The following CNTNAP3 variants were observed in gnomAD, a reference collection of about 807,000 sequenced individuals.
CNTNAP3 encodes the protein contactin associated protein family member 3.
Under a neutral mutation model 92.1 loss-of-function variants are expected in CNTNAP3, and 36 were observed. That is an observed-to-expected ratio of 0.39 (90% confidence interval 0.30 to 0.52). The LOEUF is 0.52. Ranked by LOEUF, CNTNAP3 falls within the 20% of genes least tolerant of loss-of-function variation. The pLI, the probability that CNTNAP3 is intolerant of heterozygous loss-of-function variation, is 0.76. For synonymous variants in CNTNAP3, 232 were observed against 422.3 expected (o/e 0.55, Z 5.53); for missense variants, 534 against 1,069.6 (o/e 0.50, Z 6.98).
rs1825573161 is a variant in CNTNAP3 at position 39,068,865 on chromosome 9, T to C, written c.*5025A>G. On this transcript the variant is annotated 3_prime_UTR_variant, in exon 24 of 24. Transcript: ENST00000297668. Reference sequence around the variant, plus strand: ...TTCAGGGATTACATTCCGTGCCTCATGTCCAGTGTACTGAAAACCATAGTT... The same window carrying C: ...TTCAGGGATTACATTCCGTGCCTCACGTCCAGTGTACTGAAAACCATAGTT... 2.0e-5 allele frequency among the ~76,000 whole-genome samples: 3 copies of C among 152,312 alleles called. No homozygotes were observed. The highest frequency in any genetic ancestry group is 6.5e-5 in the Admixed American group (1 of 15,294).
chr9:39,135,567 C>T (rs1821410083), intron 12 of CNTNAP3, among the ~76,000 whole-genome samples: 1 of 152,182 alleles, frequency 6.6e-6, no homozygotes, highest in Non-Finnish European at 1.5e-5. Context: ...AATTTAACTT[C>T]ATGATTTTGA....
At chr9:39,130,495 CTTTTT>C (rs58074019) in intron 13 of CNTNAP3, among the ~76,000 whole-genome samples, 2 of 111,158 alleles carry the variant, frequency 1.8e-5, no homozygotes, top group Admixed American at 9.5e-5. Flanking sequence ...AGGAGGAATT[CTTTTT>C]TTTTTTTTTT....
chr9:39,130,209 T>C (rs1381497999), intron 13 of CNTNAP3, among the ~76,000 whole-genome samples: 3 of 152,170 alleles, frequency 2.0e-5, no homozygotes, highest in African/African-American at 7.2e-5. Flanking sequence ...AAAAGCTTTA[T>C]TCATAATTGC....
At chr9:39,111,548 T>C (rs1758546) in intron 14 of CNTNAP3, among the ~76,000 whole-genome samples, 26 of 152,176 alleles carry the variant, frequency 1.7e-4, no homozygotes, top group South Asian at 6.2e-4. Context: ...TTAGAGTGGA[T>C]TGATGGTAGA....
At position 39,109,239 on chromosome 9, in the gene CNTNAP3, A is replaced by T; in HGVS notation, c.2286T>A (p.Thr762=). ...VLSQKEHLPV[T]QIVMTDAGRP... is the part of the protein sequence containing the mutation. ...GGCCTGCGTCTGTCATCACAATCTG[A>T]GTGACTGGCAGGTGCTCCTTTTGGG... The change falls in exon 15 of 24, where the codon ACT becomes ACA. Residue 762 remains threonine (T), a synonymous_variant. Transcript: ENST00000297668. The T allele has an allele frequency of 6.2e-7, 1 of 1,612,634 alleles. No homozygotes were observed. Among genetic ancestry groups the T allele is most frequent in the Non-Finnish European group, 8.5e-7 (1 of 1,179,794 alleles).
intron 12 of CNTNAP3, among the ~76,000 whole-genome samples, chr9:39,136,232 T>A (rs894261430): frequency 1.7e-4 from 26 of 152,110 alleles, no homozygotes; most frequent in African/African-American, 6.0e-4. Flanking sequence ...GTCGCAATAT[T>A]GTAAGTAGAA....
At chr9:39,120,345 T>C (rs1182794141) in intron 13 of CNTNAP3, among the ~76,000 whole-genome samples, 3 of 152,144 alleles carry the variant, frequency 2.0e-5, no homozygotes, top group South Asian at 2.1e-4. Context: ...AAATTATATA[T>C]CCAGAGAAAC....
chr9:39,157,593 G>A (rs1746743045), intron 9 of CNTNAP3, among the ~76,000 whole-genome samples: 1 of 73,418 alleles, frequency 1.4e-5, no homozygotes, highest in South Asian at 4.9e-4. Flanking sequence ...TGATCCACCC[G>A]CCTAGGCCTC....
chr9:39,161,664 A>G (rs1344205191), intron 9 of CNTNAP3, among the ~76,000 whole-genome samples: 1 of 133,300 alleles, frequency 7.5e-6, no homozygotes, highest in Non-Finnish European at 1.6e-5. Context: ...AACAATAATA[A>G]TAATAATAAT....
chr9:39,101,833 G>C (rs1403220142), intron 17 of CNTNAP3, among the ~76,000 whole-genome samples: 1 of 152,238 alleles, frequency 6.6e-6, no homozygotes, highest in Non-Finnish European at 1.5e-5. Flanking sequence ...ATAAAATATA[G>C]CTGTCACATA....
intron 23 of CNTNAP3, among the ~76,000 whole-genome samples, chr9:39,075,919 T>A (rs1200226374): frequency 1.3e-5 from 2 of 152,422 alleles, no homozygotes; most frequent in East Asian, 3.9e-4. Flanking sequence ...GGAGAAATTA[T>A]ATTTCCTCCC....
In CNTNAP3 at chr9:39,071,003, C is replaced by A. The variant is rs1202942443; in HGVS notation, c.*2887G>T. Among the ~76,000 whole-genome samples, 1 of 152,232 alleles carries A rather than the reference C, an allele frequency of 6.6e-6. No homozygotes were observed. Among genetic ancestry groups the A allele is most frequent in the Non-Finnish European group, 1.5e-5 (1 of 68,024 alleles). Reference sequence around the variant, plus strand: ...GGATTGAAGTTAAGAGAGAGAAGTGCCAGGAGTTCAGTCCACGCATGACAA... The same window carrying A: ...GGATTGAAGTTAAGAGAGAGAAGTGACAGGAGTTCAGTCCACGCATGACAA... On this transcript the variant is annotated 3_prime_UTR_variant, in exon 24 of 24. Coordinates refer to ENST00000297668, the MANE Select transcript of CNTNAP3 (RefSeq NM_033655.5).
intron 12 of CNTNAP3, among the ~76,000 whole-genome samples, chr9:39,137,763 C>G (rs1821478422): frequency 6.6e-6 from 1 of 152,170 alleles, no homozygotes; most frequent in Admixed American, 6.5e-5. Context: ...ATCCACCTGC[C>G]TCAGCCTCCC....
At chr9:39,110,547 T>C (rs1826720910) in intron 14 of CNTNAP3, among the ~76,000 whole-genome samples, 2 of 152,256 alleles carry the variant, frequency 1.3e-5, no homozygotes. Flanking sequence ...ACCATGAGTA[T>C]TAATTATGTG....
chr9:39,161,872 T>C (rs1587739697), intron 9 of CNTNAP3, among the ~76,000 whole-genome samples: 1 of 110,954 alleles, frequency 9.0e-6, no homozygotes, highest in Non-Finnish European at 1.9e-5. Context: ...GTAAAGCCTA[T>C]AACTACAAAA....
chr9:39,147,394 A>G (rs1259794696), intron 10 of CNTNAP3, among the ~76,000 whole-genome samples: 1 of 152,308 alleles, frequency 6.6e-6, no homozygotes, highest in Admixed American at 6.5e-5. Flanking sequence ...CAGCAAAGGT[A>G]TTTAATTTTA....
chr9:39,090,145 T>C (rs1170428101), intron 18 of CNTNAP3, among the ~76,000 whole-genome samples: 1 of 152,166 alleles, frequency 6.6e-6, no homozygotes, highest in Non-Finnish European at 1.5e-5. Context: ...TTCACTGTGT[T>C]AGCCAGGATG....
In CNTNAP3 at chr9:39,133,119, C is replaced by T. The variant is rs767677440; in HGVS notation, c.1893G>A (p.Thr631=). 4 of 1,573,624 alleles carry T rather than the reference C, an allele frequency of 2.5e-6. No homozygotes were observed. The highest frequency in any genetic ancestry group is 2.7e-5 in the African/African-American group (2 of 74,546). ...YCNMTADAAW[T]VVQHGGPDAV... ...CGTCGGGGCCACCGTGCTGCACCAC[C>T]GTCCACGCGGCGTCTGCTGAGCAGA... is the stretch of plus-strand genomic sequence containing the variant. Residue 631 remains threonine, a synonymous_variant, in exon 13 of 24, where the codon ACG becomes ACA. Transcript: ENST00000297668.
At chr9:39,111,696 TTTAA>T (rs1298350260) in intron 14 of CNTNAP3, among the ~76,000 whole-genome samples, 4 of 152,248 alleles carry the variant, frequency 2.6e-5, no homozygotes, top group Admixed American at 1.3e-4. Context: ...GAAAATGCAA[TTTAA>T]TTATTTATGG....
Sources: gnomAD v4.1 joint callset for allele counts (sites outside exome capture counted in the v4.1 genomes callset) on GRCh38, gnomAD v4.1.1 for gene constraint, MANE v1.5 for transcripts, NCBI Gene and HGNC (gene_info 2026-07-23, HGNC 2026-07-21) for gene names.